CADPS: variants seen among roughly 807,000 people sequenced by gnomAD.
CADPS encodes calcium-dependent secretion activator 1.
A neutral mutation model predicts 167.3 loss-of-function variants in CADPS; 57 were observed. The ratio of observed to expected loss-of-function variants is 0.34; its 90% confidence interval spans 0.28 to 0.42. The LOEUF is 0.42. Ranked by LOEUF, CADPS falls within the 20% of genes least tolerant of loss-of-function variation. The pLI is 1.00. For synonymous variants in CADPS, 676 were observed against 635.3 expected (o/e 1.06, Z -0.96); for missense variants, 1,414 against 1,738.1 (o/e 0.81, Z 3.32).
chr3:62,686,360 T>C (rs1403459139), intron 3 of CADPS, among the ~76,000 whole-genome samples: 3 of 151,996 alleles, frequency 2.0e-5, no homozygotes, highest in African/African-American at 7.3e-5. Context: ...GAAAGTCAGG[T>C]AGGGGAGGAA....
At chr3:62,466,713 G>A (rs1415916034) in intron 24 of CADPS, 5 of 382,490 alleles carry the variant, frequency 1.3e-5, no homozygotes, top group Non-Finnish European at 2.4e-5. Context: ...TGACCCAGCA[G>A]TGTGTTGATT....
intron 1 of CADPS, among the ~76,000 whole-genome samples, chr3:62,821,053 C>A (rs2094891317): frequency 6.6e-6 from 1 of 152,154 alleles, no homozygotes; most frequent in African/African-American, 2.4e-5. Context: ...CCCACCTTGG[C>A]CGCCCAAAGT....
Position 62,398,515 on chromosome 3 carries a change from A to T in CADPS, c.*891T>A, listed in dbSNP as rs1232494991. 1 of 152,688 alleles carries T rather than the reference A, an allele frequency of 6.5e-6. No homozygotes were observed. Among genetic ancestry groups the T allele is most frequent in the African/African-American group, 2.4e-5 (1 of 41,470 alleles). The allele number at this position is 152,688 out of a possible 1,614,324, so 9.5% of individuals were successfully genotyped here. A position where few individuals can be genotyped will look rare whatever the true frequency, so the allele number is the denominator to read the frequency against. ...GCAGTTACAGATCAAAATGCAATGT[A>T]CATGACAGATATAAAAAACAGTGTG... On this transcript the variant is annotated 3_prime_UTR_variant, in exon 30 of 30. Coordinates refer to ENST00000383710, the MANE Select transcript of CADPS (RefSeq NM_003716.4).
intron 6 of CADPS, among the ~76,000 whole-genome samples, chr3:62,628,893 G>A (rs1222049635): frequency 1.3e-5 from 2 of 151,912 alleles, no homozygotes; most frequent in Admixed American, 6.6e-5. Context: ...CCAAAGTGCT[G>A]GGATTACAGT....
chr3:62,715,519 G>C (rs1307834693), intron 3 of CADPS, among the ~76,000 whole-genome samples: 3 of 150,488 alleles, frequency 2.0e-5, no homozygotes, highest in African/African-American at 7.3e-5. Context: ...ATGAACCTTA[G>C]AAAACATTGC....
intron 1 of CADPS, among the ~76,000 whole-genome samples, chr3:62,814,721 G>A (rs1240969255): frequency 6.6e-6 from 1 of 152,130 alleles, no homozygotes; most frequent in Non-Finnish European, 1.5e-5. Flanking sequence ...ACACAAATTT[G>A]TTGCTGCAAG....
Position 62,399,726 on chromosome 3 carries a change from G to C in CADPS, c.3883-141C>G. 1.6e-6 allele frequency: 1 copy of C among 638,090 alleles called. No individual in the cohort carries two copies. Among genetic ancestry groups the C allele is most frequent in the East Asian group, 2.6e-5 (1 of 37,872 alleles). The allele number at this position is 638,090 out of a possible 1,614,324, so 39.5% of individuals were successfully genotyped here. ...ATGCATTGTCAAATAAAAAGCCACT[G>C]TGCTTAGATTTCACTTGTATTGAAA... On this transcript the variant is annotated intron_variant, in intron 29 of 29. Transcript: ENST00000383710. This position sits in a 1 kb window ranked among gnomAD's most constrained non-coding sequence, Gnocchi z 5.6.
At chr3:62,813,418 AAGAACCAAACTGG>A (rs149693058) in intron 1 of CADPS, among the ~76,000 whole-genome samples, 17,947 of 152,154 alleles carry the variant, frequency 0.12, 1,911 homozygotes, top group African/African-American at 0.29. Flanking sequence ...CCATATGCAG[AAGAACCAAACTGG>A]ACCCCTACAT....
intron 1 of CADPS, among the ~76,000 whole-genome samples, chr3:62,793,872 T>C (rs906265666): frequency 6.6e-6 from 1 of 152,188 alleles, no homozygotes; most frequent in Non-Finnish European, 1.5e-5. Flanking sequence ...GGAAAATCCC[T>C]AGAAGAGAAA....
At chr3:62,528,200 G>A (rs1309771529) in intron 13 of CADPS, among the ~76,000 whole-genome samples, 1 of 152,168 alleles carries the variant, frequency 6.6e-6, no homozygotes, top group Non-Finnish European at 1.5e-5. Context: ...ATCTTGGACA[G>A]GTAGGAAGGT....
chr3:62,414,654 G>A (rs11716318), intron 28 of CADPS, among the ~76,000 whole-genome samples: 23,447 of 152,184 alleles, frequency 0.15, 2,230 homozygotes, highest in Middle Eastern at 0.22. Context: ...AGGCTTTGGG[G>A]TCTGGGAATA....
chr3:62,742,071 G>C (rs74809870), intron 3 of CADPS, among the ~76,000 whole-genome samples: 14,368 of 151,974 alleles, frequency 0.095, 863 homozygotes, highest in African/African-American at 0.16. Context: ...GCTAACTAGG[G>C]GGTGAAAGAT....
chr3:62,679,174 T>C (rs1021617976), intron 3 of CADPS, among the ~76,000 whole-genome samples: 4 of 152,040 alleles, frequency 2.6e-5, no homozygotes, highest in Admixed American at 6.5e-5. Context: ...TTGTGTCTAG[T>C]TGAGCAGATC....
intron 28 of CADPS, among the ~76,000 whole-genome samples, chr3:62,435,678 TC>T (rs1263573703): frequency 6.6e-6 from 1 of 152,086 alleles, no homozygotes; most frequent in Admixed American, 6.6e-5. Flanking sequence ...TTTTTTTTTT[TC>T]CACGGGGCCG....
intron 28 of CADPS, among the ~76,000 whole-genome samples, chr3:62,430,361 G>A (rs2053670649): frequency 6.6e-6 from 1 of 152,062 alleles, no homozygotes; most frequent in Non-Finnish European, 1.5e-5. Context: ...ACTGCAATAG[G>A]GCATCAGAAA....
At chr3:62,675,968 A>G (rs1443516635) in intron 3 of CADPS, among the ~76,000 whole-genome samples, 1 of 148,026 alleles carries the variant, frequency 6.8e-6, no homozygotes, top group African/African-American at 2.4e-5. Context: ...CTCCCCAATT[A>G]CTGTAAAATC....
At chr3:62,483,668 T>A (rs1025114590) in intron 21 of CADPS, among the ~76,000 whole-genome samples, 1 of 152,192 alleles carries the variant, frequency 6.6e-6, no homozygotes, top group African/African-American at 2.4e-5. Context: ...AAAGATTAAC[T>A]ATATGACTAT....
At chr3:62,506,607 C>T (rs189847422) in intron 17 of CADPS, among the ~76,000 whole-genome samples, 38 of 152,214 alleles carry the variant, frequency 2.5e-4, no homozygotes, top group African/African-American at 8.4e-4. Flanking sequence ...GGAAATCTGT[C>T]CTTGTATGTG....
At chr3:62,791,508 G>A (rs2152737064) in intron 1 of CADPS, among the ~76,000 whole-genome samples, 3 of 152,268 alleles carry the variant, frequency 2.0e-5, no homozygotes, top group Middle Eastern at 6.8e-3. Flanking sequence ...TACTGAATCA[G>A]AATCTGCATT....
Sources: gnomAD v4.1 joint callset for allele counts (sites outside exome capture counted in the v4.1 genomes callset) on GRCh38, gnomAD v4.1.1 for gene constraint, Gnocchi (gnomAD v3.1) non-coding constraint, MANE v1.5 for transcripts, NCBI Gene and HGNC (gene_info 2026-07-23, HGNC 2026-07-21) for gene names.